The following OR2L13 variants were observed in gnomAD, a reference collection of about 807,000 sequenced individuals.
The protein encoded by OR2L13 is olfactory receptor 2L13.
In OR2L13, 14 loss-of-function variants were observed where a neutral mutation model predicts 15.3. The observed-to-expected ratio is 0.91, with a 90% CI of 0.60 to 1.43. The LOEUF (loss-of-function observed/expected upper bound fraction) is 1.43. Ranked by LOEUF, OR2L13 falls within the 40% of genes most tolerant of loss-of-function variation. OR2L13 has a pLI of 0.00. For missense variants in OR2L13, 367 were observed against 387.9 expected, an observed-to-expected ratio of 0.95 and a Z score of 0.45; for synonymous variants, 152 against 142.9, an observed-to-expected ratio of 1.06 and a Z score of -0.45.
chr1:247,944,312 G>C, the OR2L13 span, among the ~76,000 whole-genome samples: 1 of 151,362 alleles, frequency 6.6e-6, no homozygotes, highest in South Asian at 2.1e-4. Flanking sequence ...TTTATTGTTT[G>C]TTTTTAAGTT....
At chr1:248,022,308 C>G in the OR2L13 span, 1 of 1,614,136 alleles carries the variant, frequency 6.2e-7, no homozygotes. Flanking sequence ...GGCCTATGAT[C>G]GTTATGTGGC....
the OR2L13 span, among the ~76,000 whole-genome samples, chr1:248,058,519 G>T: frequency 1.3e-5 from 2 of 151,768 alleles, no homozygotes; most frequent in Non-Finnish European, 2.9e-5. Flanking sequence ...ATAAACTATT[G>T]TAAAACCTGG....
the OR2L13 span, chr1:248,083,483 C>T: frequency 1.5e-6 from 1 of 667,128 alleles, no homozygotes; most frequent in Non-Finnish European, 2.6e-6. Context: ...AATGGTATCT[C>T]TCAATACAAT....
chr1:248,039,540 C>T, the OR2L13 span: 1 of 175,160 alleles, frequency 5.7e-6, no homozygotes, highest in Non-Finnish European at 1.2e-5. Flanking sequence ...CCTGCCTAGC[C>T]TCCTAAGTTA....
exon 2 of OR2L13, chr1:248,098,685 A>T (rs1305762350): frequency 1.3e-5 from 2 of 152,232 alleles, no homozygotes; most frequent in African/African-American, 4.8e-5. Flanking sequence ...AAGATGACTA[A>T]CCAAATCAAT....
At chr1:247,992,398 C>T in the OR2L13 span, among the ~76,000 whole-genome samples, 1 of 152,042 alleles carries the variant, frequency 6.6e-6, no homozygotes, top group Admixed American at 6.5e-5. Context: ...TTTATTTCAA[C>T]GTCTATTTTA....
the OR2L13 span, among the ~76,000 whole-genome samples, chr1:248,025,355 C>T: frequency 1.7e-4 from 25 of 147,178 alleles, no homozygotes; most frequent in Non-Finnish European, 3.1e-4. Context: ...AAAATGCTCA[C>T]CATCACTGGC....
At chr1:248,040,982 T>A in the OR2L13 span, 1 of 152,222 alleles carries the variant, frequency 6.6e-6, no homozygotes, top group African/African-American at 2.4e-5. Context: ...ACTTATAGAA[T>A]GGCAAATGTT....
the OR2L13 span, among the ~76,000 whole-genome samples, chr1:247,952,179 A>G: frequency 1.3e-5 from 2 of 152,158 alleles, no homozygotes; most frequent in Non-Finnish European, 2.9e-5. Flanking sequence ...AAGAGCATGA[A>G]ACCATGCATG....
At chr1:247,993,800 A>G in the OR2L13 span, among the ~76,000 whole-genome samples, 4 of 136,998 alleles carry the variant, frequency 2.9e-5, no homozygotes, top group African/African-American at 3.6e-5. Flanking sequence ...AGAGAGAGAG[A>G]GAGAGAGAGA....
At chr1:248,022,134 A>G in the OR2L13 span, 1 of 1,613,948 alleles carries the variant, frequency 6.2e-7, no homozygotes, top group African/African-American at 1.3e-5. Context: ...TTTCCTGCTT[A>G]GTCAGCTCTC....
At chr1:247,992,690 T>A in the OR2L13 span, among the ~76,000 whole-genome samples, 5 of 152,216 alleles carry the variant, frequency 3.3e-5, no homozygotes, top group Non-Finnish European at 7.3e-5. Context: ...CCATTATCAC[T>A]TGCAAACAGT....
At chr1:247,966,910 C>T in the OR2L13 span, among the ~76,000 whole-genome samples, 1 of 152,160 alleles carries the variant, frequency 6.6e-6, no homozygotes, top group African/African-American at 2.4e-5. Flanking sequence ...TCAAAGCTTA[C>T]AGCATCTGAA....
At chr1:248,044,744 A>T in the OR2L13 span, among the ~76,000 whole-genome samples, 2 of 78,934 alleles carry the variant, frequency 2.5e-5, no homozygotes, top group Non-Finnish European at 4.1e-5. Context: ...CGGAGCTTGC[A>T]GTGAGCCGAG....
chr1:248,001,011 A>C, the OR2L13 span, among the ~76,000 whole-genome samples: 1 of 152,176 alleles, frequency 6.6e-6, no homozygotes, highest in East Asian at 1.9e-4. Context: ...AAAATTTTTG[A>C]GGGATGAACT....
At chr1:247,987,580 G>A in the OR2L13 span, among the ~76,000 whole-genome samples, 2 of 152,138 alleles carry the variant, frequency 1.3e-5, no homozygotes, top group African/African-American at 4.8e-5. Context: ...ACAGTCCGCA[G>A]GCTAAAATAT....
At chr1:247,950,083 A>T in the OR2L13 span, among the ~76,000 whole-genome samples, 12 of 151,962 alleles carry the variant, frequency 7.9e-5, no homozygotes, top group Non-Finnish European at 1.3e-4. Flanking sequence ...AAAATGGCCT[A>T]ACTGAAGTTG....
At chr1:248,071,892 A>T in the OR2L13 span, among the ~76,000 whole-genome samples, 1 of 151,570 alleles carries the variant, frequency 6.6e-6, no homozygotes, top group Non-Finnish European at 1.5e-5. Context: ...TTCAAAGAGA[A>T]TAAAATACCT....
At chr1:247,983,276 G>A in the OR2L13 span, among the ~76,000 whole-genome samples, 2 of 152,268 alleles carry the variant, frequency 1.3e-5, no homozygotes, top group African/African-American at 4.8e-5. Context: ...GTGCCAGTGT[G>A]TGGAGACAGT....
Sources: gnomAD v4.1 joint callset for allele counts (sites outside exome capture counted in the v4.1 genomes callset) on GRCh38, gnomAD v4.1.1 for gene constraint, MANE v1.5 for transcripts, NCBI Gene and HGNC (gene_info 2026-07-23, HGNC 2026-07-21) for gene names.